MALRD1: variants seen among roughly 807,000 people sequenced by gnomAD.
MALRD1 encodes MAM and LDL receptor class A domain containing 1.
In MALRD1, 247 loss-of-function variants were observed where a neutral mutation model predicts 242.1. That is an observed-to-expected ratio of 1.02 (90% confidence interval 0.92 to 1.13). The LOEUF is 1.13. Ranked by LOEUF, MALRD1 falls within the 50% of genes most tolerant of loss-of-function variation. The pLI, the probability that MALRD1 is intolerant of heterozygous loss-of-function variation, is 0.00. For missense variants in MALRD1, 2,989 were observed against 2,533.1 expected (o/e 1.18, Z -3.86); for synonymous variants, 995 against 866.6 (o/e 1.15, Z -2.60).
Position 19,692,886 on chromosome 10 carries a change from T to TATATATATATATATATATATATAA in MALRD1, c.6314+333_6314+334insTATATATATATATATATATATAAA, listed in dbSNP as rs373717863. 1.9e-3 allele frequency among the ~76,000 whole-genome samples: 255 copies of TATATATATATATATATATATATAA among 136,822 alleles called. 5 individuals carry two copies. Among genetic ancestry groups the TATATATATATATATATATATATAA allele is most frequent in the African/African-American group, 7.0e-3 (241 of 34,508 alleles). The allele number at this position is 136,822 out of a possible 152,430, so 89.8% of individuals were successfully genotyped here. A position where few individuals can be genotyped will look rare whatever the true frequency, so the allele number is the denominator to read the frequency against. On this transcript the variant is annotated intron_variant, in intron 38 of 39. Coordinates refer to ENST00000454679, the MANE Select transcript of MALRD1 (RefSeq NM_001142308.3). ...ATGAAATTATATATATATATATATA[T>TATATATATATATATATATATATAA]AATTTCATCCCTGGAATGCAAGGCT... is the stretch of plus-strand genomic sequence containing the variant.
intron 12 of MALRD1, among the ~76,000 whole-genome samples, chr10:19,163,064 G>C (rs920347925): frequency 2.1e-5 from 3 of 140,474 alleles, no homozygotes; most frequent in Non-Finnish European, 4.5e-5. Flanking sequence ...CCTGAGCTCA[G>C]GAGTTTGAGG....
chr10:19,677,448 G>C (rs1376212586), intron 36 of MALRD1, among the ~76,000 whole-genome samples: 2 of 152,096 alleles, frequency 1.3e-5, no homozygotes, highest in African/African-American at 2.4e-5. Context: ...ATGTTTGTTG[G>C]CTGCATAAGT....
At chr10:19,102,662 T>C (rs571502377) in intron 4 of MALRD1, among the ~76,000 whole-genome samples, 1 of 117,576 alleles carries the variant, frequency 8.5e-6, no homozygotes, top group Non-Finnish European at 1.8e-5. Flanking sequence ...ACAAAGCCTC[T>C]AACATCAGTG....
At chr10:19,454,459 T>C (rs1835526476) in intron 29 of MALRD1, among the ~76,000 whole-genome samples, 1 of 137,764 alleles carries the variant, frequency 7.3e-6, no homozygotes. Context: ...ATATAAATTA[T>C]ATATATATCT....
At chr10:19,288,503 T>C (rs1018209345) in intron 21 of MALRD1, among the ~76,000 whole-genome samples, 5 of 152,102 alleles carry the variant, frequency 3.3e-5, no homozygotes, top group African/African-American at 1.2e-4. Context: ...TGTCATTTTC[T>C]TTACATTTTT....
intron 34 of MALRD1, among the ~76,000 whole-genome samples, chr10:19,599,892 A>G (rs1454142673): frequency 6.6e-6 from 1 of 152,134 alleles, no homozygotes; most frequent in African/African-American, 2.4e-5. Context: ...ATACCCATTG[A>G]CCAAATCCAA....
Position 19,699,325 on chromosome 10 carries a change from A to C in MALRD1, c.6314+6771A>C, listed in dbSNP as rs76568586. Among the ~76,000 whole-genome samples, 496 of 150,622 alleles carry C rather than the reference A, an allele frequency of 3.3e-3. 6 individuals are homozygous for C. Among genetic ancestry groups the C allele is most frequent in the African/African-American group, 0.012 (484 of 40,624 alleles). On this transcript the variant is annotated intron_variant, in intron 38 of 39. Transcript: ENST00000454679. ...GGAGGGAAAGGAGGGAAAGGAGGGAAAGGTAGGAGGGAGGAAATTGTACTA... is the reference window on the plus strand; with the variant it reads ...GGAGGGAAAGGAGGGAAAGGAGGGACAGGTAGGAGGGAGGAAATTGTACTA...
chr10:19,454,730 A>G lies in MALRD1; in HGVS notation c.5029+4240A>G, dbSNP rs10827465. Among the ~76,000 whole-genome samples, 51 of 121,920 alleles carry G rather than the reference A, an allele frequency of 4.2e-4. No individual in the cohort carries two copies. The South Asian group carries it at 7.9e-3, about 19-fold the overall frequency. 80.0% of individuals were successfully genotyped at this position (121,920 alleles called of 152,430 possible). On this transcript the variant is annotated intron_variant, in intron 29 of 39. Transcript: ENST00000454679. Reference sequence around the variant, plus strand: ...TGCACACGTACACACACACACACACACACACACACACACACACACATTATA... The same window carrying G: ...TGCACACGTACACACACACACACACGCACACACACACACACACACATTATA...
chr10:19,702,553 A>G (rs1192975645), intron 38 of MALRD1, among the ~76,000 whole-genome samples: 2 of 152,222 alleles, frequency 1.3e-5, no homozygotes, highest in African/African-American at 4.8e-5. Flanking sequence ...TATCCAATAT[A>G]TGATTGCCGA....
At chr10:19,699,072 A>G (rs572588694) in intron 38 of MALRD1, among the ~76,000 whole-genome samples, 1 of 152,234 alleles carries the variant, frequency 6.6e-6, no homozygotes, top group Admixed American at 6.5e-5. Context: ...GGAGAGCATT[A>G]GGACAAATAC....
At chr10:19,106,655 A>G (rs551147587) in intron 5 of MALRD1, among the ~76,000 whole-genome samples, 2 of 151,582 alleles carry the variant, frequency 1.3e-5, no homozygotes, top group East Asian at 3.9e-4. Flanking sequence ...GATCTTTATT[A>G]TTTATTTCCT....
At chr10:19,243,362 A>G (rs546447597) in intron 18 of MALRD1, among the ~76,000 whole-genome samples, 6 of 152,240 alleles carry the variant, frequency 3.9e-5, no homozygotes, top group African/African-American at 1.4e-4. Context: ...GTGTCGGTGT[A>G]TTTAACTTTT....
intron 36 of MALRD1, among the ~76,000 whole-genome samples, chr10:19,639,376 C>T (rs1024687882): frequency 2.0e-5 from 3 of 152,128 alleles, no homozygotes; most frequent in Admixed American, 6.5e-5. Context: ...CACATCTCTT[C>T]GATCGCCACA....
rs1554842468 is a variant in MALRD1 at position 19,376,542 on chromosome 10, C to CATTTTTTTTTTTTTTTTTTTTT, written c.4442-10986_4442-10985insATTTTTTTTTTTTTTTTTTTTT. Reference sequence around the variant, plus strand: ...TTGAAAGTCAAGGAGTTGATACATTCTTTTTTTTTTTTTTTTTTTTTTTTT... The same window carrying CATTTTTTTTTTTTTTTTTTTTT: ...TTGAAAGTCAAGGAGTTGATACATTCATTTTTTTTTTTTTTTTTTTTTTTTTTTTTTTTTTTTTTTTTTTTTT... On this transcript the variant is annotated intron_variant, in intron 26 of 39. Coordinates refer to ENST00000454679, the MANE Select transcript of MALRD1 (RefSeq NM_001142308.3). Among the ~76,000 whole-genome samples the CATTTTTTTTTTTTTTTTTTTTT allele has an allele frequency of 4.2e-5, 4 of 94,992 alleles. 1 individual carries two copies. Among genetic ancestry groups the CATTTTTTTTTTTTTTTTTTTTT allele is most frequent in the Non-Finnish European group, 4.2e-5 (2 of 48,166 alleles). 62.3% of individuals were successfully genotyped at this position (94,992 alleles called of 152,430 possible).
intron 19 of MALRD1, among the ~76,000 whole-genome samples, chr10:19,267,164 G>A (rs1446349408): frequency 1.3e-5 from 2 of 151,974 alleles, no homozygotes; most frequent in Non-Finnish European, 2.9e-5. Flanking sequence ...AATAATTTAT[G>A]TGCTCTTTAT....
chr10:19,435,022 A>G (rs1170315410), intron 28 of MALRD1, among the ~76,000 whole-genome samples: 2 of 151,552 alleles, frequency 1.3e-5, no homozygotes, highest in African/African-American at 4.8e-5. Context: ...AAATGAATAA[A>G]GGTCAGACAG....
At chr10:19,299,435 G>C (rs570402646) in intron 21 of MALRD1, among the ~76,000 whole-genome samples, 1 of 151,680 alleles carries the variant, frequency 6.6e-6, no homozygotes, top group African/African-American at 2.4e-5. Context: ...ACAAAGAAGC[G>C]CATTAGATAA....
intron 31 of MALRD1, among the ~76,000 whole-genome samples, chr10:19,502,384 A>T (rs997081672): frequency 2.0e-5 from 3 of 152,158 alleles, no homozygotes; most frequent in Non-Finnish European, 4.4e-5. Flanking sequence ...TCAGAGAGAA[A>T]TAGGTTTCTA....
At chr10:19,384,472 A>G (rs1261089392) in intron 26 of MALRD1, among the ~76,000 whole-genome samples, 1 of 117,458 alleles carries the variant, frequency 8.5e-6, no homozygotes, top group Non-Finnish European at 1.6e-5. Flanking sequence ...TATATACTAT[A>G]TATTATATAG....
Sources: allele counts gnomAD v4.1 joint callset (sites outside exome capture counted in the v4.1 genomes callset), GRCh38; gene constraint gnomAD v4.1.1; transcripts MANE v1.5; gene names NCBI Gene and HGNC (gene_info 2026-07-23, HGNC 2026-07-21).